RSU1: variants seen among roughly 807,000 people sequenced by gnomAD.
RSU1 encodes the protein rsu-1.
In RSU1, 26 loss-of-function variants were observed where a neutral mutation model predicts 31.1. That is an observed-to-expected ratio of 0.84 (90% confidence interval 0.61 to 1.16). RSU1 has a LOEUF of 1.16. RSU1 is among the 50% of genes most tolerant of loss of function. The pLI is 0.00. For synonymous variants in RSU1, 164 were observed against 136.3 expected, an observed-to-expected ratio of 1.20 and a Z score of -1.41; for missense variants, 320 against 339.1, an observed-to-expected ratio of 0.94 and a Z score of 0.44.
At chr10:16,645,942 ATATATG>A (rs1564298359) in intron 8 of RSU1, among the ~76,000 whole-genome samples, 1 of 64,936 alleles carries the variant, frequency 1.5e-5, no homozygotes, top group Admixed American at 1.7e-4. Flanking sequence ...ATATGTGTAT[ATATATG>A]TGTATATACA....
chr10:16,692,066 C>G (rs1293018581), intron 8 of RSU1, among the ~76,000 whole-genome samples: 1 of 152,102 alleles, frequency 6.6e-6, no homozygotes, highest in Non-Finnish European at 1.5e-5. Context: ...CCTACTGAAA[C>G]TTTTTAATGT....
intron 8 of RSU1, among the ~76,000 whole-genome samples, chr10:16,597,701 T>G (rs754116871): frequency 2.4e-4 from 36 of 152,232 alleles, no homozygotes; most frequent in Non-Finnish European, 3.8e-4. Context: ...CTTCCTTCTT[T>G]AGGGCTGTTT....
At chr10:16,738,056 A>G (rs1016609261) in intron 7 of RSU1, among the ~76,000 whole-genome samples, 1 of 152,266 alleles carries the variant, frequency 6.6e-6, no homozygotes, top group African/African-American at 2.4e-5. Flanking sequence ...AGGTCTTACA[A>G]AAGAAAATAT....
At chr10:16,604,190 G>T (rs1833760274) in intron 8 of RSU1, among the ~76,000 whole-genome samples, 2 of 152,124 alleles carry the variant, frequency 1.3e-5, no homozygotes, top group African/African-American at 4.8e-5. Flanking sequence ...GGGAAATAAG[G>T]TTTTCCCCTG....
intron 2 of RSU1, among the ~76,000 whole-genome samples, chr10:16,796,979 T>A (rs535030434): frequency 6.6e-6 from 1 of 152,278 alleles, no homozygotes; most frequent in African/African-American, 2.4e-5. Flanking sequence ...ACTTGACAAC[T>A]GAGAACCCCC....
At chr10:16,803,839 A>G (rs1838212540) in intron 2 of RSU1, among the ~76,000 whole-genome samples, 1 of 152,250 alleles carries the variant, frequency 6.6e-6, no homozygotes, top group Non-Finnish European at 1.5e-5. Flanking sequence ...CTCCAAATGA[A>G]TCACAGACCT....
intron 8 of RSU1, among the ~76,000 whole-genome samples, chr10:16,661,167 G>A (rs1289051312): frequency 1.3e-5 from 2 of 152,008 alleles, no homozygotes; most frequent in African/African-American, 2.4e-5. Flanking sequence ...ATAAGGCATG[G>A]GGGATGTAGA....
At chr10:16,816,925 A>T (rs762387156) in intron 2 of RSU1, 48 bp downstream of exon 2, 1 of 1,365,238 alleles carries the variant, frequency 7.3e-7, no homozygotes, top group Non-Finnish European at 1.0e-6. Flanking sequence ...TGGCAAACTT[A>T]GAAAGCCTTC....
intron 5 of RSU1, 22 bp from the exon 6 acceptor site, chr10:16,753,022 A>G: frequency 6.3e-7 from 1 of 1,596,094 alleles, no homozygotes; most frequent in Non-Finnish European, 8.6e-7. Flanking sequence ...ACAGCAATAT[A>G]TAAACAGGGT....
At chr10:16,661,906 C>T (rs1004621631) in intron 8 of RSU1, among the ~76,000 whole-genome samples, 17 of 152,200 alleles carry the variant, frequency 1.1e-4, no homozygotes, top group Admixed American at 1.1e-3. Context: ...TCTACTCTTA[C>T]AAGTTCAGCA....
intron 8 of RSU1, among the ~76,000 whole-genome samples, chr10:16,626,930 G>A (rs890119058): frequency 4.6e-5 from 7 of 152,184 alleles, no homozygotes; most frequent in African/African-American, 1.7e-4. Flanking sequence ...TCGTGGAAAC[G>A]AAAATCCTGT....
At chr10:16,692,030 T>C (rs930218571) in intron 8 of RSU1, among the ~76,000 whole-genome samples, 1 of 152,170 alleles carries the variant, frequency 6.6e-6, no homozygotes, top group African/African-American at 2.4e-5. Context: ...AGTGCTGGGA[T>C]CATAGGCGTG....
chr10:16,593,575 T>TAGAAGA, intron 8 of RSU1, 79 bp from the exon 9 acceptor site: 1 of 1,097,176 alleles, frequency 9.1e-7, no homozygotes, highest in Non-Finnish European at 1.4e-6. Context: ...CTTTCAGGAA[T>TAGAAGA]AGAAGAATCT....
chr10:16,710,396 T>C (rs1050173261), intron 7 of RSU1, among the ~76,000 whole-genome samples: 2 of 152,222 alleles, frequency 1.3e-5, no homozygotes, highest in Non-Finnish European at 2.9e-5. Context: ...TGCTGCTGGA[T>C]TCAGTTTGTT....
chr10:16,798,034 G>T (rs914414424), intron 2 of RSU1, among the ~76,000 whole-genome samples: 2 of 151,916 alleles, frequency 1.3e-5, no homozygotes, highest in Admixed American at 6.6e-5. Flanking sequence ...GCTAATTCTT[G>T]TATTTTTAGT....
chr10:16,599,718 C>T (rs1164556443), intron 8 of RSU1, among the ~76,000 whole-genome samples: 3 of 152,246 alleles, frequency 2.0e-5, no homozygotes, highest in African/African-American at 7.2e-5. Flanking sequence ...CGCTTCTAAC[C>T]TCTTAGGAAG....
chr10:16,681,391 T>C (rs1161481084), intron 8 of RSU1, among the ~76,000 whole-genome samples: 1 of 152,118 alleles, frequency 6.6e-6, no homozygotes, highest in African/African-American at 2.4e-5. Context: ...CTGCCAAACA[T>C]CCATTAGATA....
At position 16,817,376 on chromosome 10, in the gene RSU1, A is replaced by G. The variant is rs113208527; in HGVS notation, c.-65T>C. On this transcript the variant is annotated 5_prime_UTR_variant, in exon 1 of 9. Coordinates refer to ENST00000345264, the MANE Select transcript of RSU1 (RefSeq NM_012425.4). Reference sequence around the variant, plus strand: ...CACAAGCTTCGGCAGAACGCACTCCAGCTGCCCTCACTCCCTGCAACACCG... The same window carrying G: ...CACAAGCTTCGGCAGAACGCACTCCGGCTGCCCTCACTCCCTGCAACACCG... 8,484 of 380,856 alleles carry G rather than the reference A, an allele frequency of 0.022. 599 individuals carry two copies. The highest frequency in any genetic ancestry group is 0.16 in the African/African-American group (7,694 of 48,290). 23.6% of individuals were successfully genotyped at this position (380,856 alleles called of 1,614,324 possible). A position where few individuals can be genotyped will look rare whatever the true frequency, so the allele number is the denominator to read the frequency against.
intron 8 of RSU1, among the ~76,000 whole-genome samples, chr10:16,675,058 T>C (rs1490848047): frequency 1.3e-5 from 2 of 150,118 alleles, no homozygotes; most frequent in Admixed American, 1.3e-4. Flanking sequence ...AAAATAAAAA[T>C]TAGCTAGGCA....
Sources: gnomAD v4.1 joint callset for allele counts (sites outside exome capture counted in the v4.1 genomes callset) on GRCh38, gnomAD v4.1.1 for gene constraint, MANE v1.5 for transcripts, NCBI Gene and HGNC (gene_info 2026-07-23, HGNC 2026-07-21) for gene names.